CEP128: variants seen among roughly 807,000 people sequenced by gnomAD.
CEP128 encodes centrosomal protein 128.
Under a neutral mutation model 156.7 loss-of-function variants are expected in CEP128, and 132 were observed. The observed-to-expected ratio is 0.84, with a 90% CI of 0.73 to 0.97. The LOEUF (loss-of-function observed/expected upper bound fraction) is 0.97, where lower values mean the gene tolerates loss of function less well. Among genes scored for constraint, CEP128 ranks in the 50% least tolerant of loss-of-function variants. The pLI is 0.00. For synonymous variants in CEP128, 469 were observed against 448.9 expected, an observed-to-expected ratio of 1.04 and a Z score of -0.57; for missense variants, 1,252 against 1,281.9, an observed-to-expected ratio of 0.98 and a Z score of 0.36.
intron 19 of CEP128, among the ~76,000 whole-genome samples, chr14:80,608,825 A>G (rs552436503): frequency 2.0e-4 from 30 of 152,310 alleles, no homozygotes; most frequent in African/African-American, 7.0e-4. Flanking sequence ...GCCTTGCTTT[A>G]ACACAGCACT....
At chr14:80,853,121 T>C (rs563622479) in intron 9 of CEP128, among the ~76,000 whole-genome samples, 65 of 151,856 alleles carry the variant, frequency 4.3e-4, no homozygotes, top group African/African-American at 1.4e-3. Flanking sequence ...AGCAAACATC[T>C]CTTGGCAACC....
intron 19 of CEP128, among the ~76,000 whole-genome samples, chr14:80,618,830 C>G (rs1893341082): frequency 6.6e-6 from 1 of 152,188 alleles, no homozygotes; most frequent in African/African-American, 2.4e-5. Flanking sequence ...AATCCAGCCC[C>G]AGAGATTCTG....
chr14:80,864,025 G>T (rs767195549), intron 8 of CEP128, among the ~76,000 whole-genome samples: 1 of 152,178 alleles, frequency 6.6e-6, no homozygotes, highest in Non-Finnish European at 1.5e-5. Flanking sequence ...TGCTGAGATA[G>T]CAAGACCAAT....
intron 4 of CEP128, among the ~76,000 whole-genome samples, chr14:80,912,931 C>T (rs1020772244): frequency 9.9e-5 from 15 of 152,000 alleles, no homozygotes; most frequent in African/African-American, 3.6e-4. Flanking sequence ...ATATATACCC[C>T]TCATTAGAAA....
In CEP128 at chr14:80,756,911, C is replaced by A. The variant is rs1166133031; in HGVS notation, c.2594G>T (p.Arg865Leu). ...SGPDIHYDPH[R>L]WLAESKTKLQ... Reference sequence around the variant, plus strand: ...AATTACCTTGCTTTCTGCTAACCAGCGATGTGGGTCATAATGTATATCAGG... The same window carrying A: ...AATTACCTTGCTTTCTGCTAACCAGAGATGTGGGTCATAATGTATATCAGG... Residue 865 changes from arginine (R) to leucine (L), a missense_variant, in exon 18 of 25, where the codon CGC (arginine) becomes CTC (leucine). By Grantham distance (102) the Arg-to-Leu change is moderately radical. Coordinates refer to ENST00000555265, the MANE Select transcript of CEP128 (RefSeq NM_152446.5). The A allele has an allele frequency of 6.3e-7, 1 of 1,598,804 alleles. No individual in the cohort carries two copies. The highest frequency in any genetic ancestry group is 1.7e-5 in the Admixed American group (1 of 59,300).
chr14:80,827,469 C>T (rs1195231607), intron 13 of CEP128, among the ~76,000 whole-genome samples: 2 of 152,242 alleles, frequency 1.3e-5, no homozygotes, highest in African/African-American at 4.8e-5. Context: ...GAGCAAAATC[C>T]GTGCACAGCA....
At chr14:80,690,321 C>A (rs1896676709) in intron 19 of CEP128, among the ~76,000 whole-genome samples, 1 of 148,662 alleles carries the variant, frequency 6.7e-6, no homozygotes, top group African/African-American at 2.5e-5. Context: ...GAGGCAGAGG[C>A]AGAAGAATCA....
downstream of CEP128, among the ~76,000 whole-genome samples, chr14:80,487,941 A>T (rs1404415768): frequency 1.3e-5 from 2 of 151,732 alleles, no homozygotes; most frequent in Non-Finnish European, 2.9e-5. Context: ...TCCAAAATTG[A>T]CACCCTAATG....
At chr14:80,830,251 A>C (rs1232964669) in intron 13 of CEP128, 1 of 643,606 alleles carries the variant, frequency 1.6e-6, no homozygotes. Context: ...CCAAATCTTG[A>C]ACCAAATTTA....
In CEP128 at chr14:80,803,813, A is replaced by T. The variant is rs328213; in HGVS notation, c.1210-10703T>A. Among the ~76,000 whole-genome samples the T allele has an allele frequency of 1.0e-3, 158 of 152,024 alleles. 1 individual carries two copies. In the East Asian group the frequency reaches 0.021, roughly 20 times the overall value. On this transcript the variant is annotated intron_variant, in intron 13 of 24. Transcript: ENST00000555265. ...AGCCTCTATTTCATCCTGAATAATTAGTGAAGAAAAAAAGCCACTTGTTCA... is the reference window on the plus strand; with the variant it reads ...AGCCTCTATTTCATCCTGAATAATTTGTGAAGAAAAAAAGCCACTTGTTCA...
chr14:80,958,306 T>C (rs1247506676), intron 1 of CEP128: 1 of 152,136 alleles, frequency 6.6e-6, no homozygotes, highest in Non-Finnish European at 1.5e-5. Context: ...AAAAATAAAA[T>C]GAAGTAATTT....
intron 8 of CEP128, among the ~76,000 whole-genome samples, chr14:80,867,257 C>A (rs750206532): frequency 5.3e-5 from 8 of 152,084 alleles, no homozygotes; most frequent in Admixed American, 3.9e-4. Flanking sequence ...GTGTCTATGG[C>A]ATGGATATAA....
chr14:80,540,031 C>T (rs956845721), intron 21 of CEP128, among the ~76,000 whole-genome samples: 4 of 152,154 alleles, frequency 2.6e-5, no homozygotes, highest in Non-Finnish European at 4.4e-5. Flanking sequence ...TTTATCAAGA[C>T]AATACATGCA....
intron 1 of CEP128, among the ~76,000 whole-genome samples, chr14:80,939,886 G>A (rs2139630055): frequency 6.6e-6 from 1 of 152,306 alleles, no homozygotes; most frequent in South Asian, 2.1e-4. Context: ...CAGTTAACAT[G>A]TTACTGCTGA....
chr14:80,810,689 T>A (rs1032715127), intron 13 of CEP128, among the ~76,000 whole-genome samples: 1 of 152,214 alleles, frequency 6.6e-6, no homozygotes, highest in African/African-American at 2.4e-5. Context: ...CTTCAGTTTT[T>A]AAAAATACTT....
intron 19 of CEP128, among the ~76,000 whole-genome samples, chr14:80,708,491 T>C (rs1158078251): frequency 6.6e-6 from 1 of 152,158 alleles, no homozygotes; most frequent in Non-Finnish European, 1.5e-5. Context: ...TCGATTATTT[T>C]CCATTTTTTA....
chr14:80,578,778 T>C (rs1475078119), intron 20 of CEP128, among the ~76,000 whole-genome samples: 3 of 152,208 alleles, frequency 2.0e-5, no homozygotes, highest in African/African-American at 7.2e-5. Flanking sequence ...CATTAAAGGC[T>C]TTCTGTGATA....
chr14:80,831,707 C>G (rs1441182499), intron 12 of CEP128, among the ~76,000 whole-genome samples: 1 of 151,804 alleles, frequency 6.6e-6, no homozygotes, highest in Non-Finnish European at 1.5e-5. Flanking sequence ...GCTATTAAAT[C>G]TCTGATTGTG....
At chr14:80,506,303 G>A (rs573127533) in intron 23 of CEP128, among the ~76,000 whole-genome samples, 2 of 150,382 alleles carry the variant, frequency 1.3e-5, no homozygotes, top group African/African-American at 4.9e-5. Flanking sequence ...CGATTACAGT[G>A]AGGTCCAGGG....
Sources: allele counts gnomAD v4.1 joint callset (sites outside exome capture counted in the v4.1 genomes callset), GRCh38; gene constraint gnomAD v4.1.1; transcripts MANE v1.5; gene names NCBI Gene and HGNC (gene_info 2026-07-23, HGNC 2026-07-21).